KLHL32: variants seen among roughly 807,000 people sequenced by gnomAD.
KLHL32 encodes the protein kelch-like protein 32.
A neutral mutation model predicts 64.8 loss-of-function variants in KLHL32; 35 were observed. That is an observed-to-expected ratio of 0.54 (90% CI 0.41 to 0.72). The LOEUF (loss-of-function observed/expected upper bound fraction) is 0.72. Among genes scored for constraint, KLHL32 ranks in the 30% least tolerant of loss-of-function variants. The pLI is 0.00. For missense variants in KLHL32, 589 were observed against 768.5 expected, an observed-to-expected ratio of 0.77 and a Z score of 2.76; for synonymous variants, 259 against 281.0, an observed-to-expected ratio of 0.92 and a Z score of 0.78.
At chr6:97,100,771 C>A (rs926915141) in intron 6 of KLHL32, among the ~76,000 whole-genome samples, 1 of 148,784 alleles carries the variant, frequency 6.7e-6, no homozygotes, top group Non-Finnish European at 1.5e-5. Context: ...TGCCAGTGAA[C>A]GTGCTCTTGT....
chr6:97,107,665 A>G (rs529764713), intron 6 of KLHL32, among the ~76,000 whole-genome samples: 30 of 152,330 alleles, frequency 2.0e-4, no homozygotes, highest in Non-Finnish European at 3.8e-4. Context: ...GGGCTTATGA[A>G]TCTAAGTTTA....
At chr6:97,011,659 GAATTAA>G (rs757188636) in intron 3 of KLHL32, among the ~76,000 whole-genome samples, 28 of 152,270 alleles carry the variant, frequency 1.8e-4, no homozygotes, top group Admixed American at 9.2e-4. Flanking sequence ...CATTTATCTT[GAATTAA>G]AATTAAGCAT....
intron 3 of KLHL32, among the ~76,000 whole-genome samples, chr6:97,032,254 T>A (rs1406536475): frequency 6.6e-6 from 1 of 152,236 alleles, no homozygotes; most frequent in East Asian, 1.9e-4. Context: ...GTAAACAGGA[T>A]AAAATTAAGT....
At chr6:97,048,793 A>G (rs999615063) in intron 4 of KLHL32, among the ~76,000 whole-genome samples, 4 of 152,228 alleles carry the variant, frequency 2.6e-5, no homozygotes, top group Non-Finnish European at 5.9e-5. Flanking sequence ...ATCCATTTAT[A>G]TGGAGAAAGT....
In KLHL32 at chr6:96,945,510, C is replaced by T. The variant is rs116599273; in HGVS notation, c.-66+20484C>T. Among the ~76,000 whole-genome samples the T allele has an allele frequency of 9.7e-3, 1,478 of 152,300 alleles. 35 individuals are homozygous for T. The highest frequency in any genetic ancestry group is 0.034 in the African/African-American group (1,418 of 41,556). On this transcript the variant is annotated intron_variant, in intron 1 of 10. Transcript: ENST00000369261. ...TTAATTTCCAAGTGCAGCACAGTGCCTACCACTCAATTGTCCCTTCACCCA... is the reference window on the plus strand; with the variant it reads ...TTAATTTCCAAGTGCAGCACAGTGCTTACCACTCAATTGTCCCTTCACCCA...
chr6:97,071,827 A>T (rs1255583558), intron 5 of KLHL32, among the ~76,000 whole-genome samples: 1 of 152,006 alleles, frequency 6.6e-6, no homozygotes, highest in Admixed American at 6.6e-5. Context: ...TTTTTCCTGG[A>T]CTGCCCTGCA....
chr6:97,114,308 A>G lies in KLHL32; in HGVS notation c.1153A>G (p.Lys385Glu), dbSNP rs1797586995. Residue 385 changes from lysine (K) to glutamate (E), a missense_variant, in exon 7 of 11, where the codon AAA (lysine) becomes GAA (glutamate). Physicochemically the swap from Lys to Glu is moderately conservative, Grantham distance 56. This residue lies in a region of KLHL32 where 226 missense variants were observed against 353.2 expected (regional missense o/e 0.64). Coordinates refer to ENST00000369261, the MANE Select transcript of KLHL32 (RefSeq NM_052904.4). ...TTCCTGGGCAGAGATAGCACCCATG[A>G]AAAACTGCCGGGAGCATTTTGTGCT... is the stretch of plus-strand genomic sequence containing the variant. ...SNSWAEIAPM[K>E]NCREHFVLGA... is the part of the protein sequence containing the mutation. The G allele has an allele frequency of 6.2e-7, 1 of 1,614,044 alleles. No individual in the cohort carries two copies. The highest frequency in any genetic ancestry group is 1.7e-5 in the Admixed American group (1 of 59,996).
chr6:96,943,696 C>G (rs1223542818), intron 1 of KLHL32, among the ~76,000 whole-genome samples: 1 of 152,236 alleles, frequency 6.6e-6, no homozygotes, highest in Non-Finnish European at 1.5e-5. Flanking sequence ...CTCGCACAAA[C>G]ACATTTCATA....
rs185373874 is a variant in KLHL32, at chr6:97,103,171, A to T, written c.628-10612A>T. Among the ~76,000 whole-genome samples the T allele has an allele frequency of 1.0e-3, 156 of 151,800 alleles. 2 individuals are homozygous for T. Among genetic ancestry groups the T allele is most frequent in the Non-Finnish European group, 5.4e-4 (37 of 67,928 alleles). On this transcript the variant is annotated intron_variant, in intron 6 of 10. Transcript: ENST00000369261. ...AATGGTACATTTAAAGACAGTCCAG[A>T]GGTAAAATATATGTGAACAATTTAC...
At position 96,997,787 on chromosome 6, in the gene KLHL32, A is replaced by G. The variant is rs140814433; in HGVS notation, c.204+21610A>G. 1.3e-3 allele frequency among the ~76,000 whole-genome samples: 205 copies of G among 152,306 alleles called. 1 individual carries two copies. Among genetic ancestry groups the G allele is most frequent in the East Asian group, 7.0e-3 (36 of 5,178 alleles). ...AGAGATCCTCCTGCTTAAGCCTCTCAAGTAGCTGAGACTACAAAACATACA... is the reference window on the plus strand; with the variant it reads ...AGAGATCCTCCTGCTTAAGCCTCTCGAGTAGCTGAGACTACAAAACATACA... On this transcript the variant is annotated intron_variant, in intron 3 of 10. Transcript: ENST00000369261.
At chr6:96,998,759 CAT>C (rs1370025582) in intron 3 of KLHL32, among the ~76,000 whole-genome samples, 1 of 152,176 alleles carries the variant, frequency 6.6e-6, no homozygotes, top group African/African-American at 2.4e-5. Flanking sequence ...CATATTTGCA[CAT>C]GTTAAGTTCT....
chr6:96,912,990 T>C, the KLHL32 span, among the ~76,000 whole-genome samples: 2 of 151,906 alleles, frequency 1.3e-5, no homozygotes, highest in African/African-American at 4.8e-5. Flanking sequence ...CAATTTTTTG[T>C]TGTCTGAATG....
intron 1 of KLHL32, among the ~76,000 whole-genome samples, chr6:96,948,958 G>A (rs376658867): frequency 2.0e-4 from 30 of 152,032 alleles, no homozygotes; most frequent in East Asian, 1.7e-3. Flanking sequence ...TCTTATCTCC[G>A]ACTTTAGAAT....
intron 3 of KLHL32, chr6:97,010,214 A>G (rs1326259855): frequency 7.9e-6 from 1 of 127,118 alleles, no homozygotes; most frequent in Admixed American, 8.1e-5. Flanking sequence ...ACTGCAGATT[A>G]TCAATCAGTG....
chr6:97,041,686 A>G (rs1582818994), intron 4 of KLHL32, 87 bp downstream of exon 4: 1 of 751,616 alleles, frequency 1.3e-6, no homozygotes. Context: ...AGATTTAGTT[A>G]TTGTTCTTGT....
At chr6:96,951,229 C>G (rs1772543333) in intron 1 of KLHL32, among the ~76,000 whole-genome samples, 5 of 152,010 alleles carry the variant, frequency 3.3e-5, no homozygotes, top group Admixed American at 2.0e-4. Flanking sequence ...CCAGGACCAG[C>G]TTGGGTTCAG....
chr6:97,107,184 T>A (rs1409863931), intron 6 of KLHL32, among the ~76,000 whole-genome samples: 3 of 151,738 alleles, frequency 2.0e-5, no homozygotes, highest in Non-Finnish European at 4.4e-5. Flanking sequence ...TCCCAGCTAC[T>A]CGGGAGGCTG....
chr6:97,042,139 G>A (rs933129971), intron 4 of KLHL32, among the ~76,000 whole-genome samples: 2 of 152,194 alleles, frequency 1.3e-5, no homozygotes, highest in Non-Finnish European at 2.9e-5. Flanking sequence ...ATTTACATTT[G>A]AGAACTACTC....
chr6:97,043,439 A>T (rs994658127), intron 4 of KLHL32, among the ~76,000 whole-genome samples: 1 of 141,998 alleles, frequency 7.0e-6, no homozygotes, highest in Non-Finnish European at 1.5e-5. Context: ...TTGTGTATAC[A>T]TACCATCTTT....
Sources: gnomAD v4.1 joint callset for allele counts (sites outside exome capture counted in the v4.1 genomes callset) on GRCh38, gnomAD v4.1.1 for gene constraint, gnomAD v4.1.1 regional missense constraint, MANE v1.5 for transcripts, NCBI Gene and HGNC (gene_info 2026-07-23, HGNC 2026-07-21) for gene names.